Variants in ANKLE2 observed in about 807,000 individuals in gnomAD.
ANKLE2 encodes the protein ankyrin repeat and LEM domain containing 2.
A neutral mutation model predicts 84.2 loss-of-function variants in ANKLE2; 55 were observed. That is an observed-to-expected ratio of 0.65 (90% CI 0.53 to 0.82). ANKLE2 has a LOEUF of 0.82. Among genes scored for constraint, ANKLE2 ranks in the 40% least tolerant of loss-of-function variants. The pLI, the probability that ANKLE2 is intolerant of heterozygous loss-of-function variation, is 0.00. For missense variants in ANKLE2, 1,238 were observed against 1,201.9 expected (o/e 1.03, Z -0.44); for synonymous variants, 551 against 486.1 (o/e 1.13, Z -1.76).
At chr12:132,735,373 G>A in intron 9 of ANKLE2, 33 bp downstream of exon 9, 2 of 1,573,658 alleles carry the variant, frequency 1.3e-6, no homozygotes, top group Admixed American at 1.7e-5. Context: ...CCAACTGTGT[G>A]CCCCACGCTG....
intron 7 of ANKLE2, among the ~76,000 whole-genome samples, chr12:132,740,096 G>A (rs907806401): frequency 9.3e-4 from 142 of 152,318 alleles, no homozygotes; most frequent in African/African-American, 3.1e-3. Context: ...TTGAAAATCC[G>A]GAGCAGACTC....
intron 1 of ANKLE2, chr12:132,760,410 A>G (rs1034987572): frequency 2.0e-5 from 3 of 152,178 alleles, no homozygotes; most frequent in African/African-American, 7.2e-5. Context: ...CTATTCTGAC[A>G]GCGTCTTCCT....
intron 3 of ANKLE2, 83 bp downstream of exon 3, chr12:132,750,560 A>G: frequency 6.8e-7 from 1 of 1,467,324 alleles, no homozygotes; most frequent in South Asian, 1.2e-5. Flanking sequence ...AAAACAAGTT[A>G]CCACATCAGA....
intron 4 of ANKLE2, 40 bp from the exon 5 acceptor site, chr12:132,748,060 T>C (rs2044276547): frequency 6.2e-7 from 1 of 1,600,692 alleles, no homozygotes; most frequent in Non-Finnish European, 8.5e-7. Context: ...CTATCTGATG[T>C]GTGGACACGC....
chr12:132,736,182 C>T (rs549321490), intron 8 of ANKLE2, among the ~76,000 whole-genome samples: 1 of 152,322 alleles, frequency 6.6e-6, no homozygotes, highest in South Asian at 2.1e-4. Flanking sequence ...GATCTCCTGA[C>T]CTCGTGATCC....
In ANKLE2 at chr12:132,743,592, A is replaced by T. The variant is rs1593162793; in HGVS notation, c.1231-316T>A. 6.7e-6 allele frequency among the ~76,000 whole-genome samples: 1 copy of T among 149,650 alleles called. No individual in the cohort carries two copies. Among genetic ancestry groups the T allele is most frequent in the Admixed American group, 6.7e-5 (1 of 15,028 alleles). ...TCGAACTCCTGACCTCAGGTGATCC[A>T]CCTGCCTTTGCCTCCCAAAGTGCTG... On this transcript the variant is annotated intron_variant, in intron 5 of 12. Coordinates refer to ENST00000357997, the MANE Select transcript of ANKLE2 (RefSeq NM_015114.3). This position sits in a 1 kb window ranked among gnomAD's most constrained non-coding sequence, Gnocchi z 4.1.
At chr12:132,750,615 TC>T (rs745884538) in intron 3 of ANKLE2, 27 bp downstream of exon 3, 4 of 1,611,420 alleles carry the variant, frequency 2.5e-6, no homozygotes, top group African/African-American at 2.7e-5. Flanking sequence ...GACAGGAACA[TC>T]AAGATGTGAA....
In ANKLE2 at chr12:132,730,042, T is replaced by C; in HGVS notation, c.2120A>G (p.His707Arg). ...SRNGLCHPLNHSRTLAGKRPK... is the reference protein window; with the variant it reads ...SRNGLCHPLNRSRTLAGKRPK... Reference sequence around the variant, plus strand: ...TCTCTTGCCCGCCAGGGTCCTGCTGTGATTCAGAGGATGGCAGAGCCCATT... The same window carrying C: ...TCTCTTGCCCGCCAGGGTCCTGCTGCGATTCAGAGGATGGCAGAGCCCATT... Residue 707 changes from histidine to arginine, a missense_variant, in exon 11 of 13, where the codon CAC becomes CGC. By Grantham distance (29) the His-to-Arg change is conservative (BLOSUM62 0). Coordinates refer to ENST00000357997, the MANE Select transcript of ANKLE2 (RefSeq NM_015114.3). 1.2e-6 allele frequency: 2 copies of C among 1,613,062 alleles called. No individual in the cohort carries two copies. Among genetic ancestry groups the C allele is most frequent in the African/African-American group, 1.3e-5 (1 of 75,008 alleles).
At chr12:132,733,491 T>C (rs1217802017) in intron 10 of ANKLE2, among the ~76,000 whole-genome samples, 1 of 150,086 alleles carries the variant, frequency 6.7e-6, no homozygotes, top group African/African-American at 2.5e-5. Flanking sequence ...CGCGTCCTGG[T>C]GTCTGATATG....
At chr12:132,730,993 G>A (rs900607794) in intron 10 of ANKLE2, 7 of 152,254 alleles carry the variant, frequency 4.6e-5, no homozygotes, top group Admixed American at 3.9e-4. Context: ...AGAGGATCCC[G>A]AAGATCGTCC....
In ANKLE2 at chr12:132,735,686, C is replaced by T. The variant is rs540778749; in HGVS notation, c.1594-174G>A. Among the ~76,000 whole-genome samples the T allele has an allele frequency of 1.2e-4, 18 of 152,292 alleles. No homozygotes were observed. In the South Asian group the frequency reaches 3.5e-3, roughly 30 times the overall value. ...CCCACCTGTGGCATGGCTGAGTGGC[C>T]GCACGGCTGCACTCTGACCTGGGGG... On this transcript the variant is annotated intron_variant, in intron 8 of 12. Transcript: ENST00000357997.
chr12:132,735,057 A>G (rs1236642330), intron 9 of ANKLE2: 1 of 307,568 alleles, frequency 3.3e-6, no homozygotes, highest in African/African-American at 2.2e-5. Flanking sequence ...ATTACAGCAT[A>G]ATTTAGCTTT....
chr12:132,755,436 T>G (rs1593182836), intron 1 of ANKLE2: 1 of 228,124 alleles, frequency 4.4e-6, no homozygotes, highest in Non-Finnish European at 8.6e-6. Context: ...TCCCAGCTAC[T>G]TGGGAGGCTG....
In ANKLE2 at chr12:132,750,944, TGCTACCCAGTC is replaced by T. The variant is rs1185119744; in HGVS notation, c.641-106_641-96del. On this transcript the variant is annotated intron_variant, in intron 2 of 12. Coordinates refer to ENST00000357997, the MANE Select transcript of ANKLE2 (RefSeq NM_015114.3). The stretch of plus-strand genomic sequence containing the variant: ...GGGCCTAACCATCAGCTTCCACATC[TGCTACCCAGTC>T]GCCTGGCTTAGTTCAGATCTTTAAT... The T allele has an allele frequency of 2.7e-6, 3 of 1,105,606 alleles. No individual in the cohort carries two copies. The East Asian group carries it at 7.2e-5, about 27-fold the overall frequency. 68.5% of individuals were successfully genotyped at this position (1,105,606 alleles called of 1,614,324 possible). A position where few individuals can be genotyped will look rare whatever the true frequency, so the allele number is the denominator to read the frequency against.
In ANKLE2 at chr12:132,748,857, A is replaced by C. The variant is rs201603107; in HGVS notation, c.848-526T>G. ...TTGTATGCCAACACGCCTGGCTTAT[A>C]TACATATATATATATATATATATAT... On this transcript the variant is annotated intron_variant, in intron 3 of 12. Coordinates refer to ENST00000357997, the MANE Select transcript of ANKLE2 (RefSeq NM_015114.3). The C allele has an allele frequency of 5.2e-4, 53 of 101,040 alleles. No individual in the cohort carries two copies. The East Asian group carries it at 9.2e-3, about 18-fold the overall frequency. 6.3% of individuals were successfully genotyped at this position (101,040 alleles called of 1,614,324 possible). A position where few individuals can be genotyped will look rare whatever the true frequency, so the allele number is the denominator to read the frequency against.
intron 3 of ANKLE2, among the ~76,000 whole-genome samples, chr12:132,750,204 CAAAAAAAA>C (rs1038591889): frequency 8.8e-5 from 7 of 79,446 alleles, no homozygotes; most frequent in African/African-American, 3.1e-4. Flanking sequence ...GACTCCATCT[CAAAAAAAA>C]AAAAAAAAAA....
At chr12:132,732,536 G>A (rs1404513718) in intron 10 of ANKLE2, among the ~76,000 whole-genome samples, 75 of 140,444 alleles carry the variant, frequency 5.3e-4, no homozygotes, top group African/African-American at 1.8e-3. Context: ...GAAGCTCTCT[G>A]CATGCTGGTG....
Position 132,743,530 on chromosome 12 carries a change from GTA to G in ANKLE2, c.1231-256_1231-255del, listed in dbSNP as rs1482692952. ...ATTTTTTTTTTTTTTTTAATATTTA[GTA>G]GAGATGGGGTTTCACCATATTGGTG... On this transcript the variant is annotated intron_variant, in intron 5 of 12. Coordinates refer to ENST00000357997, the MANE Select transcript of ANKLE2 (RefSeq NM_015114.3). The surrounding 1 kb of genome is among the most constrained non-coding windows in gnomAD (Gnocchi z 4.1). Among the ~76,000 whole-genome samples, 1 of 147,666 alleles carries G rather than the reference GTA, an allele frequency of 6.8e-6. No homozygotes were observed. Among genetic ancestry groups the G allele is most frequent in the Middle Eastern group, 3.3e-3 (1 of 306 alleles).
chr12:132,736,921 G>A lies in ANKLE2; in HGVS notation c.1565C>T (p.Ala522Val). 6.2e-7 allele frequency: 1 copy of A among 1,611,016 alleles called. No individual in the cohort carries two copies. The highest frequency in any genetic ancestry group is 8.5e-7 in the Non-Finnish European group (1 of 1,177,962). ...GGCTGGACTCAGGGGCCCTGCGAAG[G>A]CTCTCAGGGTCAGTACCGGGTCTCT... is the stretch of plus-strand genomic sequence containing the variant. ...SPRDPVLTLR[A>V]FAGPLSPAKA... The change falls in exon 8 of 13, where the codon GCC becomes GTC. Residue 522 changes from alanine to valine, a missense_variant. Ala to Val is a moderately conservative substitution (Grantham distance 64). Transcript: ENST00000357997.
Sources: gnomAD v4.1 joint callset for allele counts (sites outside exome capture counted in the v4.1 genomes callset) on GRCh38, gnomAD v4.1.1 for gene constraint, Gnocchi (gnomAD v3.1) non-coding constraint, MANE v1.5 for transcripts, NCBI Gene and HGNC (gene_info 2026-07-23, HGNC 2026-07-21) for gene names.